SH2D4A: variants seen among roughly 807,000 people sequenced by gnomAD.
The protein encoded by SH2D4A is SH2 domain-containing protein 4A.
SH2D4A carries 70 observed loss-of-function variants against 64.7 expected under a neutral mutation model. The observed-to-expected ratio is 1.08, with a 90% CI of 0.89 to 1.32. The LOEUF (loss-of-function observed/expected upper bound fraction) is 1.32, where lower values mean the gene tolerates loss of function less well. Among genes scored for constraint, SH2D4A ranks in the 40% most tolerant of loss-of-function variants. SH2D4A has a pLI of 0.00. For missense variants in SH2D4A, 706 were observed against 540.1 expected (o/e 1.31, Z -3.04); for synonymous variants, 268 against 200.7 (o/e 1.34, Z -2.83).
chr8:19,371,229 T>G (rs1376235851), intron 7 of SH2D4A, among the ~76,000 whole-genome samples: 1 of 152,178 alleles, frequency 6.6e-6, no homozygotes, highest in Non-Finnish European at 1.5e-5. Flanking sequence ...TGAAGAACTA[T>G]TTTTTAGCAT....
intron 8 of SH2D4A, among the ~76,000 whole-genome samples, chr8:19,391,869 A>G (rs983540540): frequency 3.3e-5 from 5 of 152,148 alleles, no homozygotes; most frequent in African/African-American, 1.2e-4. Flanking sequence ...TGGTTCTGTT[A>G]TTGTTTTGTT....
At chr8:19,350,349 T>A (rs138982965) in intron 4 of SH2D4A, among the ~76,000 whole-genome samples, 117 of 152,336 alleles carry the variant, frequency 7.7e-4, no homozygotes, top group Non-Finnish European at 1.5e-3. Context: ...TGTGCATTGC[T>A]TAGTGGTGTT....
chr8:19,389,613 G>A (rs556844558), intron 8 of SH2D4A, among the ~76,000 whole-genome samples: 8 of 152,180 alleles, frequency 5.3e-5, no homozygotes, highest in African/African-American at 1.9e-4. Flanking sequence ...ACTTTCTTGT[G>A]GGCTGCCAGA....
At chr8:19,390,354 T>C (rs184707624) in intron 8 of SH2D4A, among the ~76,000 whole-genome samples, 3 of 152,252 alleles carry the variant, frequency 2.0e-5, no homozygotes, top group Non-Finnish European at 4.4e-5. Context: ...GCACTGCAGC[T>C]TGAGTGACTG....
intron 4 of SH2D4A, among the ~76,000 whole-genome samples, chr8:19,347,177 A>C (rs1210703367): frequency 6.6e-6 from 1 of 152,182 alleles, no homozygotes; most frequent in Non-Finnish European, 1.5e-5. Flanking sequence ...GAACACGCAG[A>C]GTTACTGGGT....
At chr8:19,353,682 T>TG (rs1285799092) in intron 4 of SH2D4A, among the ~76,000 whole-genome samples, 4 of 146,244 alleles carry the variant, frequency 2.7e-5, no homozygotes, top group South Asian at 2.2e-4. Context: ...CTGTTTTTTT[T>TG]TTTTTTTTTT....
chr8:19,346,750 A>C (rs1289860028), intron 4 of SH2D4A, among the ~76,000 whole-genome samples: 1 of 152,180 alleles, frequency 6.6e-6, no homozygotes, highest in African/African-American at 2.4e-5. Context: ...AAAATGTATA[A>C]ATAGGAGAAA....
At chr8:19,350,981 T>C (rs1173183294) in intron 4 of SH2D4A, among the ~76,000 whole-genome samples, 3 of 152,204 alleles carry the variant, frequency 2.0e-5, no homozygotes, top group Non-Finnish European at 4.4e-5. Context: ...GTTTGTACCA[T>C]ATTTTTAGCA....
At chr8:19,388,560 G>A (rs953783003) in intron 8 of SH2D4A, among the ~76,000 whole-genome samples, 1 of 152,172 alleles carries the variant, frequency 6.6e-6, no homozygotes, top group Non-Finnish European at 1.5e-5. Context: ...TTGCGGTGAG[G>A]ATAAAAGGAG....
intron 2 of SH2D4A, among the ~76,000 whole-genome samples, chr8:19,332,691 CAA>C (rs58695585): frequency 3.0e-3 from 248 of 81,712 alleles, no homozygotes; most frequent in African/African-American, 8.2e-3. Flanking sequence ...GTGAGACTGT[CAA>C]AAAAAAAAAA....
At chr8:19,325,325 T>C (rs2052259869) in intron 2 of SH2D4A, among the ~76,000 whole-genome samples, 1 of 152,224 alleles carries the variant, frequency 6.6e-6, no homozygotes, top group Admixed American at 6.5e-5. Flanking sequence ...ATGATTTCAT[T>C]TAATCCTCAC....
chr8:19,336,515 C>A (rs7835155), intron 4 of SH2D4A, among the ~76,000 whole-genome samples: 36,227 of 151,952 alleles, frequency 0.24, 4,971 homozygotes, highest in African/African-American at 0.37. Context: ...CACACCCCTC[C>A]AACCAAGAAC....
Position 19,319,488 on chromosome 8 carries a change from A to G in SH2D4A, c.-60A>G. On this transcript the variant is annotated 5_prime_UTR_variant, in exon 2 of 10. Coordinates refer to ENST00000265807, the MANE Select transcript of SH2D4A (RefSeq NM_022071.4). ...CAAGTGCCAGCACAGGTGGAGGGAC[A>G]CCTGGAGGCCAGTTTCAGGAACTTT... The G allele has an allele frequency of 3.5e-6, 5 of 1,409,754 alleles. No homozygotes were observed. In the South Asian group the frequency reaches 9.1e-5, roughly 26 times the overall value. 87.3% of individuals were successfully genotyped at this position (1,409,754 alleles called of 1,614,324 possible). A position where few individuals can be genotyped will look rare whatever the true frequency, so the allele number is the denominator to read the frequency against.
At chr8:19,314,044 G>A (rs1245580021) in intron 1 of SH2D4A, 144 of 1,218,634 alleles carry the variant, frequency 1.2e-4, no homozygotes, top group Non-Finnish European at 1.4e-4. Flanking sequence ...TCCGGTGTCC[G>A]GTGTCCGGTG....
At chr8:19,361,942 A>T (rs1563201610) in intron 6 of SH2D4A, among the ~76,000 whole-genome samples, 1 of 152,190 alleles carries the variant, frequency 6.6e-6, no homozygotes, top group African/African-American at 2.4e-5. Flanking sequence ...GAGTGAGCAG[A>T]ATGGGTGAGA....
Position 19,395,943 on chromosome 8 carries a change from A to T in SH2D4A, c.*1301A>T, listed in dbSNP as rs1563219273. 6.6e-6 allele frequency: 1 copy of T among 152,040 alleles called. No homozygotes were observed. The highest frequency in any genetic ancestry group is 2.1e-4 in the South Asian group (1 of 4,806). The allele number at this position is 152,040 out of a possible 1,614,324, so 9.4% of individuals were successfully genotyped here. ...TGCCCAGTCCACCATTTTCATAATG[A>T]AGTAGAAATGGGAGGTAAGAAAAAC... On this transcript the variant is annotated 3_prime_UTR_variant, in exon 10 of 10. Coordinates refer to ENST00000265807, the MANE Select transcript of SH2D4A (RefSeq NM_022071.4).
chr8:19,361,978 A>G (rs1251413517), intron 6 of SH2D4A, among the ~76,000 whole-genome samples: 1 of 152,234 alleles, frequency 6.6e-6, no homozygotes, highest in Non-Finnish European at 1.5e-5. Context: ...GAATAAGCCC[A>G]TGCAACTGAA....
At chr8:19,322,377 C>T (rs1478988934) in intron 2 of SH2D4A, among the ~76,000 whole-genome samples, 2 of 152,176 alleles carry the variant, frequency 1.3e-5, no homozygotes. Context: ...GAGCTAAGTG[C>T]TGCTTTTTCT....
chr8:19,342,701 C>T (rs541832618), intron 4 of SH2D4A, among the ~76,000 whole-genome samples: 1 of 152,260 alleles, frequency 6.6e-6, no homozygotes, highest in East Asian at 1.9e-4. Flanking sequence ...TTATTATCTG[C>T]CCCCGGGAAG....
Sources: allele counts gnomAD v4.1 joint callset (sites outside exome capture counted in the v4.1 genomes callset), GRCh38; gene constraint gnomAD v4.1.1; transcripts MANE v1.5; gene names NCBI Gene and HGNC (gene_info 2026-07-23, HGNC 2026-07-21).